GNB4: variants seen among roughly 807,000 people sequenced by gnomAD.
The protein encoded by GNB4 is G protein subunit beta 4.
GNB4 carries 28 observed loss-of-function variants against 45.2 expected under a neutral mutation model. The observed-to-expected ratio is 0.62, with a 90% CI of 0.46 to 0.85. GNB4 has a LOEUF of 0.85. Ranked by LOEUF, GNB4 falls within the 40% of genes least tolerant of loss-of-function variation. GNB4 has a pLI of 0.00. For synonymous variants in GNB4, 132 were observed against 143.7 expected (o/e 0.92, Z 0.58); for missense variants, 321 against 425.4 (o/e 0.75, Z 2.16).
the GNB4 span, among the ~76,000 whole-genome samples, chr3:179,505,255 T>C: frequency 3.2e-3 from 484 of 152,240 alleles, 2 homozygotes; most frequent in African/African-American, 0.011. Context: ...CAAACGTAGA[T>C]CTGATTGAGA....
chr3:179,497,708 T>G, the GNB4 span, among the ~76,000 whole-genome samples: 3 of 151,574 alleles, frequency 2.0e-5, no homozygotes, highest in Non-Finnish European at 4.4e-5. Flanking sequence ...TAAAAAAAAT[T>G]TAAAAAAGAT....
intron 2 of GNB4, among the ~76,000 whole-genome samples, chr3:179,423,884 T>C (rs940270679): frequency 5.3e-5 from 8 of 152,028 alleles, no homozygotes; most frequent in Admixed American, 4.6e-4. Context: ...AGAAGTCGTA[T>C]AATTCCAGGC....
the GNB4 span, among the ~76,000 whole-genome samples, chr3:179,494,516 A>G: frequency 6.6e-6 from 1 of 151,764 alleles, no homozygotes; most frequent in Non-Finnish European, 1.5e-5. Flanking sequence ...CAAAAAAAGA[A>G]AAAAAATGAA....
In GNB4 at chr3:179,426,252, AAC is replaced by A; in HGVS notation, c.-42-12_-42-11del. On this transcript the variant is annotated splice_polypyrimidine_tract_variant and intron_variant, in intron 1 of 9. Coordinates refer to ENST00000232564, the MANE Select transcript of GNB4 (RefSeq NM_021629.4). ...TAATGAGTGAAAACAGCTGTTAAAA[AAC>A]AGAGAGCAAGAGAAAGATTCAGTTC... The A allele has an allele frequency of 1.5e-6, 2 of 1,327,122 alleles. No individual in the cohort carries two copies. The highest frequency in any genetic ancestry group is 2.1e-6 in the Non-Finnish European group (2 of 949,916). 82.2% of individuals were successfully genotyped at this position (1,327,122 alleles called of 1,614,324 possible).
chr3:179,504,327 ATTTTC>A, the GNB4 span, among the ~76,000 whole-genome samples: 1 of 152,102 alleles, frequency 6.6e-6, no homozygotes, highest in East Asian at 1.9e-4. Flanking sequence ...AATATATATG[ATTTTC>A]TTTTGTCTTA....
the GNB4 span, among the ~76,000 whole-genome samples, chr3:179,512,851 A>C: frequency 6.6e-6 from 1 of 152,128 alleles, no homozygotes; most frequent in African/African-American, 2.4e-5. Context: ...ATAATCCTAA[A>C]GGTATCTATA....
chr3:179,461,511 A>C, the GNB4 span, among the ~76,000 whole-genome samples: 1 of 144,364 alleles, frequency 6.9e-6, no homozygotes, highest in African/African-American at 2.7e-5. Flanking sequence ...AAAAAAAAAA[A>C]AATGATTTTA....
chr3:179,508,932 G>GTGTGTGTATATA, the GNB4 span, among the ~76,000 whole-genome samples: 1 of 102,176 alleles, frequency 9.8e-6, no homozygotes, highest in African/African-American at 4.6e-5. Context: ...TTCAGCATGT[G>GTGTGTGTATATA]TATATATATA....
At chr3:179,451,710 C>A (rs1221055298), upstream of GNB4, 1 of 152,156 alleles carries the variant, frequency 6.6e-6, no homozygotes, top group African/African-American at 2.4e-5. Context: ...GAAAAACATT[C>A]ATTCCCGGGC....
At chr3:179,454,794 C>T (rs1715954599), upstream of GNB4, among the ~76,000 whole-genome samples, 1 of 152,172 alleles carries the variant, frequency 6.6e-6, no homozygotes, top group African/African-American at 2.4e-5. Context: ...AAATTATATA[C>T]ATACAACATC....
rs184408944 is a variant in GNB4 at position 179,445,740 on chromosome 3, T to C, written c.-43+5606A>G. ...GCTATTAAGAAGACAGCGCTCTGAC[T>C]TGCAGAGATACTAAGAATAATGATA... On this transcript the variant is annotated intron_variant, in intron 1 of 9. Transcript: ENST00000232564. Among the ~76,000 whole-genome samples, 1,025 of 152,358 alleles carry C rather than the reference T, an allele frequency of 6.7e-3. 12 individuals are homozygous for C. Among genetic ancestry groups the C allele is most frequent in the Non-Finnish European group, 8.0e-3 (545 of 68,038 alleles).
At chr3:179,413,164 C>T (rs1213200566) in intron 8 of GNB4, among the ~76,000 whole-genome samples, 2 of 151,586 alleles carry the variant, frequency 1.3e-5, no homozygotes, top group Admixed American at 1.3e-4. Flanking sequence ...GACGACAGAG[C>T]AAGACTGTCT....
upstream of GNB4, chr3:179,451,705 A>G (rs969055646): frequency 2.0e-5 from 3 of 152,044 alleles, no homozygotes; most frequent in African/African-American, 7.2e-5. Flanking sequence ...GAGAAGAAAA[A>G]CATTCATTCC....
At chr3:179,475,258 C>T in the GNB4 span, among the ~76,000 whole-genome samples, 1 of 151,974 alleles carries the variant, frequency 6.6e-6, no homozygotes, top group Non-Finnish European at 1.5e-5. Flanking sequence ...GCTGGGACTA[C>T]ATGCACGTGC....
At chr3:179,420,381 C>T (rs928218625) in intron 3 of GNB4, among the ~76,000 whole-genome samples, 2 of 150,318 alleles carry the variant, frequency 1.3e-5, no homozygotes, top group Non-Finnish European at 3.0e-5. Flanking sequence ...CTCAAGTGAT[C>T]CTCCCACCTC....
chr3:179,431,908 T>C (rs1715321949), intron 1 of GNB4, among the ~76,000 whole-genome samples: 1 of 152,176 alleles, frequency 6.6e-6, no homozygotes, highest in Non-Finnish European at 1.5e-5. Flanking sequence ...TGGAGAACCT[T>C]TCAGTTTCAA....
chr3:179,418,726 A>AT (rs771585851), intron 4 of GNB4, among the ~76,000 whole-genome samples: 129 of 152,350 alleles, frequency 8.5e-4, no homozygotes, highest in Non-Finnish European at 5.7e-4. Flanking sequence ...TCCCATTAAG[A>AT]TTAACCAAAT....
the GNB4 span, among the ~76,000 whole-genome samples, chr3:179,501,980 T>A: frequency 6.6e-6 from 1 of 152,182 alleles, no homozygotes; most frequent in Non-Finnish European, 1.5e-5. Flanking sequence ...CTTTCTGTCA[T>A]AAATTTCATA....
At chr3:179,502,228 C>CT in the GNB4 span, among the ~76,000 whole-genome samples, 4,025 of 73,284 alleles carry the variant, frequency 0.055, 120 homozygotes, top group African/African-American at 0.069. Context: ...TTTTTCTTTT[C>CT]TTTTTTTTTT....
Sources: allele counts gnomAD v4.1 joint callset (sites outside exome capture counted in the v4.1 genomes callset), GRCh38; gene constraint gnomAD v4.1.1; transcripts MANE v1.5; gene names NCBI Gene and HGNC (gene_info 2026-07-23, HGNC 2026-07-21).